The following SGCZ variants were observed in gnomAD, a reference collection of about 807,000 sequenced individuals.
SGCZ encodes the protein zeta-sarcoglycan.
A neutral mutation model predicts 41.3 loss-of-function variants in SGCZ; 40 were observed. The observed-to-expected ratio is 0.97, with a 90% CI of 0.75 to 1.26. SGCZ has a LOEUF of 1.26. Ranked by LOEUF, SGCZ falls within the 50% of genes most tolerant of loss-of-function variation. SGCZ has a pLI of 0.00. For synonymous variants in SGCZ, 206 were observed against 137.5 expected, an observed-to-expected ratio of 1.50 and a Z score of -3.49; for missense variants, 552 against 369.8, an observed-to-expected ratio of 1.49 and a Z score of -4.04.
intron 2 of SGCZ, among the ~76,000 whole-genome samples, chr8:14,499,761 T>C (rs1329545440): frequency 6.6e-6 from 1 of 151,414 alleles, no homozygotes; most frequent in Non-Finnish European, 1.5e-5. Context: ...CCTTATCAAT[T>C]TGTATATAGA....
intron 2 of SGCZ, among the ~76,000 whole-genome samples, chr8:14,511,342 AC>A (rs1321025064): frequency 2.6e-5 from 4 of 152,038 alleles, no homozygotes; most frequent in Non-Finnish European, 2.9e-5. Flanking sequence ...GGGAGATTTT[AC>A]TTTTAATTAT....
intron 3 of SGCZ, among the ~76,000 whole-genome samples, chr8:14,272,929 C>G (rs1184288345): frequency 2.0e-5 from 3 of 152,026 alleles, no homozygotes; most frequent in Non-Finnish European, 4.4e-5. Context: ...TGATAAAAAA[C>G]TATTTTCAGT....
At chr8:15,038,428 T>A (rs1288993846) in intron 1 of SGCZ, among the ~76,000 whole-genome samples, 1 of 151,954 alleles carries the variant, frequency 6.6e-6, no homozygotes. Flanking sequence ...ACTAGACCCC[T>A]ATTTCACATT....
At chr8:15,203,511 G>A (rs1800963113) in intron 1 of SGCZ, among the ~76,000 whole-genome samples, 1 of 152,164 alleles carries the variant, frequency 6.6e-6, no homozygotes, top group Admixed American at 6.5e-5. Context: ...TATATGGCAA[G>A]TAGCACATTG....
chr8:15,054,842 G>T (rs1430894533), intron 1 of SGCZ, among the ~76,000 whole-genome samples: 1 of 151,068 alleles, frequency 6.6e-6, no homozygotes, highest in Non-Finnish European at 1.5e-5. Flanking sequence ...GGCACCTGTA[G>T]CCCCAGCTAC....
intron 1 of SGCZ, among the ~76,000 whole-genome samples, chr8:14,697,508 C>A (rs1809002251): frequency 1.3e-5 from 2 of 152,016 alleles, no homozygotes; most frequent in African/African-American, 4.8e-5. Context: ...AAGGTGCAAT[C>A]CATGTAGTTA....
intron 1 of SGCZ, among the ~76,000 whole-genome samples, chr8:15,188,815 G>A (rs1235558791): frequency 2.0e-5 from 3 of 152,030 alleles, no homozygotes; most frequent in Admixed American, 2.0e-4. Flanking sequence ...GTTGATTTGA[G>A]AATAAGAAAG....
intron 1 of SGCZ, among the ~76,000 whole-genome samples, chr8:15,156,722 T>C (rs1461967516): frequency 2.0e-5 from 3 of 151,784 alleles, no homozygotes; most frequent in African/African-American, 7.3e-5. Flanking sequence ...GGCAGACGGA[T>C]CACCTGAGGT....
chr8:14,358,769 C>T (rs575641458), intron 2 of SGCZ, among the ~76,000 whole-genome samples: 19 of 152,070 alleles, frequency 1.2e-4, no homozygotes, highest in South Asian at 1.2e-3. Context: ...TGCCACCATG[C>T]CCGGCTAATT....
At position 14,701,039 on chromosome 8, in the gene SGCZ, T is replaced by C. The variant is rs565106264; in HGVS notation, c.40-146113A>G. On this transcript the variant is annotated intron_variant, in intron 1 of 7. Coordinates refer to ENST00000382080, the MANE Select transcript of SGCZ (RefSeq NM_139167.4). ...ATAAAATATTTTAAATTAAGTGAGT[T>C]ACAAAGTTTTAGTGAAAGAAAGTAG... Among the ~76,000 whole-genome samples the C allele has an allele frequency of 4.6e-5, 7 of 152,016 alleles. No homozygotes were observed. The South Asian group carries it at 1.4e-3, about 31-fold the overall frequency.
At chr8:14,905,642 T>G (rs1423442325) in intron 1 of SGCZ, among the ~76,000 whole-genome samples, 1 of 152,040 alleles carries the variant, frequency 6.6e-6, no homozygotes, top group Non-Finnish European at 1.5e-5. Context: ...ATTACAGTGT[T>G]TATCATAGTG....
At chr8:14,201,978 A>G (rs12155763) in intron 4 of SGCZ, among the ~76,000 whole-genome samples, 5,850 of 152,276 alleles carry the variant, frequency 0.038, 123 homozygotes, top group Middle Eastern at 0.062. Flanking sequence ...ACCAAACCAT[A>G]ATATGCAGAA....
chr8:14,904,621 C>A (rs1799070647), intron 1 of SGCZ, among the ~76,000 whole-genome samples: 1 of 151,910 alleles, frequency 6.6e-6, no homozygotes, highest in Admixed American at 6.6e-5. Context: ...CTTAATTTCA[C>A]CAACTGCACA....
chr8:15,096,506 G>C (rs972592761), intron 1 of SGCZ, among the ~76,000 whole-genome samples: 6 of 152,130 alleles, frequency 3.9e-5, no homozygotes, highest in African/African-American at 1.2e-4. Context: ...TGGCAGGACT[G>C]TGGGCATAAA....
intron 1 of SGCZ, among the ~76,000 whole-genome samples, chr8:14,657,621 C>A (rs577878489): frequency 1.6e-3 from 249 of 152,150 alleles, no homozygotes; most frequent in Non-Finnish European, 3.1e-3. Context: ...ATTAATATTG[C>A]ATTACTTCTA....
chr8:15,011,541 T>C (rs1288662926), intron 1 of SGCZ, among the ~76,000 whole-genome samples: 2 of 152,202 alleles, frequency 1.3e-5, no homozygotes, highest in African/African-American at 2.4e-5. Context: ...TAAGAACCTA[T>C]TGAAAACTGC....
At chr8:15,232,321 T>C (rs987703494) in intron 1 of SGCZ, among the ~76,000 whole-genome samples, 5 of 152,138 alleles carry the variant, frequency 3.3e-5, no homozygotes, top group African/African-American at 1.2e-4. Context: ...TAAAATATTC[T>C]TTTTTACTGG....
intron 2 of SGCZ, among the ~76,000 whole-genome samples, chr8:14,519,313 G>C (rs1027046891): frequency 6.6e-6 from 1 of 151,996 alleles, no homozygotes; most frequent in Non-Finnish European, 1.5e-5. Context: ...ATTTTCAGCA[G>C]AGCAGAAGTG....
chr8:14,217,399 A>G (rs955567153), intron 4 of SGCZ, among the ~76,000 whole-genome samples: 11 of 151,294 alleles, frequency 7.3e-5, no homozygotes, highest in Non-Finnish European at 1.2e-4. Context: ...AGAAACGCCT[A>G]TTGTCAATCT....
Sources: gnomAD v4.1 joint callset for allele counts (sites outside exome capture counted in the v4.1 genomes callset) on GRCh38, gnomAD v4.1.1 for gene constraint, MANE v1.5 for transcripts, NCBI Gene and HGNC (gene_info 2026-07-23, HGNC 2026-07-21) for gene names.